TTC7A: variants seen among roughly 807,000 people sequenced by gnomAD.
The protein encoded by TTC7A is tetratricopeptide repeat protein 7A.
In TTC7A, 110 loss-of-function variants were observed where a neutral mutation model predicts 103.7. The ratio of observed to expected loss-of-function variants is 1.06; its 90% CI spans 0.91 to 1.24. The LOEUF (loss-of-function observed/expected upper bound fraction) is 1.24. TTC7A is among the 50% of genes most tolerant of loss of function. TTC7A has a pLI of 0.00. For missense variants in TTC7A, 1,340 were observed against 1,116.3 expected (o/e 1.20, Z -2.86); for synonymous variants, 521 against 467.9 (o/e 1.11, Z -1.47).
intron 18 of TTC7A, among the ~76,000 whole-genome samples, chr2:47,053,543 T>TTGG (rs56072760): frequency 0.14 from 19,065 of 140,004 alleles, 1,439 homozygotes; most frequent in South Asian, 0.26. Context: ...TGTTTGTTTG[T>TTGG]TTGGTTGGTT....
At chr2:46,990,885 CA>C (rs1222867439) in intron 5 of TTC7A, among the ~76,000 whole-genome samples, 51 of 152,294 alleles carry the variant, frequency 3.3e-4, no homozygotes, top group African/African-American at 1.2e-3. Context: ...TGATAAAGCC[CA>C]GATTGCTGGG....
At chr2:47,050,139 TC>T in intron 17 of TTC7A, 93 bp downstream of exon 17, 2 of 1,112,884 alleles carry the variant, frequency 1.8e-6, no homozygotes, top group Non-Finnish European at 2.7e-6. Context: ...CCGGGCCCTC[TC>T]CCAGCCGGGC....
rs546680801 is a variant in TTC7A, at chr2:47,046,445, A to G, written c.1919+14A>G. ...CTCCCAGCTGGGGTGAGTGGCCGTCATTGTCTCTTGGGTTGCCAGAGGGTG... is the reference window on the plus strand; with the variant it reads ...CTCCCAGCTGGGGTGAGTGGCCGTCGTTGTCTCTTGGGTTGCCAGAGGGTG... On this transcript the variant is annotated intron_variant, in intron 16 of 19. Transcript: ENST00000319190. 4.2e-5 allele frequency: 67 copies of G among 1,608,444 alleles called. No homozygotes were observed. The highest frequency in any genetic ancestry group is 1.7e-4 in the Middle Eastern group (1 of 6,056).
chr2:47,039,327 G>A (rs1487360202), intron 15 of TTC7A, among the ~76,000 whole-genome samples: 1 of 152,210 alleles, frequency 6.6e-6, no homozygotes, highest in Non-Finnish European at 1.5e-5. Flanking sequence ...TGCACCCGAC[G>A]TGCTTGCTGC....
intron 12 of TTC7A, 23 bp from the exon 13 acceptor site, chr2:47,023,385 A>C: frequency 6.2e-7 from 1 of 1,613,652 alleles, no homozygotes; most frequent in Non-Finnish European, 8.5e-7. Context: ...CTGATGGCTC[A>C]GTTTCTGTCC....
In TTC7A at chr2:47,075,974, A is replaced by C. The variant is rs1490355001; in HGVS notation, c.*2051A>C. On this transcript the variant is annotated 3_prime_UTR_variant, in exon 20 of 20. Coordinates refer to ENST00000319190, the MANE Select transcript of TTC7A (RefSeq NM_020458.4). ...GGGCCACCTTCAGCTGCAGGGAAGA[A>C]GCCTAGGAGAGGAGGCATGGGAGGG... The C allele has an allele frequency of 2.6e-5, 4 of 152,496 alleles. No individual in the cohort carries two copies. Among genetic ancestry groups the C allele is most frequent in the African/African-American group, 9.7e-5 (4 of 41,438 alleles). 9.4% of individuals were successfully genotyped at this position (152,496 alleles called of 1,614,324 possible). A position where few individuals can be genotyped will look rare whatever the true frequency, so the allele number is the denominator to read the frequency against.
chr2:46,928,484 A>G (rs1011352583), intron 2 of TTC7A, among the ~76,000 whole-genome samples: 4 of 146,678 alleles, frequency 2.7e-5, no homozygotes, highest in African/African-American at 1.0e-4. Context: ...AAAAAAAAAA[A>G]ACTTGGGCCA....
At chr2:47,006,325 AT>A (rs1677376826) in intron 9 of TTC7A, among the ~76,000 whole-genome samples, 3 of 152,202 alleles carry the variant, frequency 2.0e-5, no homozygotes, top group Admixed American at 6.5e-5. Flanking sequence ...GTTCGCTGCT[AT>A]TTTTATTACA....
chr2:47,046,244 G>T, intron 15 of TTC7A, 71 bp from the exon 16 acceptor site: 6 of 1,240,740 alleles, frequency 4.8e-6, no homozygotes, highest in African/African-American at 1.5e-5. Flanking sequence ...AGCCGCCCTG[G>T]TGGGGCAGGA....
chr2:47,058,702 T>G (rs1283904725), intron 18 of TTC7A, among the ~76,000 whole-genome samples: 2 of 152,232 alleles, frequency 1.3e-5, no homozygotes, highest in Non-Finnish European at 2.9e-5. Flanking sequence ...CAGCCAAGCC[T>G]GGGGGCTGCT....
chr2:46,931,857 T>C (rs1030636846), intron 2 of TTC7A, among the ~76,000 whole-genome samples: 12 of 152,148 alleles, frequency 7.9e-5, no homozygotes, highest in African/African-American at 2.7e-4. Flanking sequence ...TGAATACATG[T>C]TGTTTAAAGC....
chr2:47,068,507 T>C (rs535455218), intron 19 of TTC7A: 1 of 152,178 alleles, frequency 6.6e-6, no homozygotes, highest in African/African-American at 2.4e-5. Context: ...GATGATTTTA[T>C]TGTGAGCTTT....
chr2:47,029,226 C>T lies in TTC7A; in HGVS notation c.1644C>T (p.Ile548=), dbSNP rs969064006. The change falls in exon 15 of 20, where the codon ATC becomes ATT. Residue 548 remains isoleucine, a splice_region_variant and synonymous_variant. Transcript: ENST00000319190. ...AACCTGGCGGGTTCCTTCAACAGAT[C>T]TCCAGTGCCATGGAGCAGCTGCAGG... The part of the protein sequence containing the change: ...VSLQLALVRQ[I]SSAMEQLQEA... The T allele has an allele frequency of 2.5e-6, 4 of 1,613,720 alleles. No homozygotes were observed. Among genetic ancestry groups the T allele is most frequent in the Non-Finnish European group, 3.4e-6 (4 of 1,179,982 alleles).
intron 19 of TTC7A, among the ~76,000 whole-genome samples, chr2:47,069,714 A>C (rs893622780): frequency 6.6e-6 from 1 of 152,164 alleles, no homozygotes; most frequent in Admixed American, 6.5e-5. Flanking sequence ...ACCTGAGAGA[A>C]TCCGGAATGC....
Position 46,975,095 on chromosome 2 carries a change from T to C in TTC7A, c.640T>C (p.Leu214=), listed in dbSNP as rs57585816. The C allele has an allele frequency of 1.7e-3, 2,763 of 1,613,662 alleles. 32 individuals are homozygous for C. In the African/African-American group the frequency reaches 0.031, roughly 18 times the overall value. ...GATCGCTCAGGTGTTCCTGCAGGAA[T>C]TGGAGAAGGTGAGCTGGAAATAACA... is the stretch of plus-strand genomic sequence containing the variant. The part of the protein sequence containing the change: ...SWIAQVFLQE[L]EKTTNNSTSR... Residue 214 remains leucine (L), a synonymous_variant, in exon 4 of 20, where the codon TTG becomes CTG. Coordinates refer to ENST00000319190, the MANE Select transcript of TTC7A (RefSeq NM_020458.4).
At chr2:46,981,464 G>A (rs1170221954) in intron 5 of TTC7A, among the ~76,000 whole-genome samples, 1 of 152,104 alleles carries the variant, frequency 6.6e-6, no homozygotes, top group African/African-American at 2.4e-5. Flanking sequence ...GGGGGCAGGC[G>A]AAATGGGAGG....
At chr2:46,961,262 C>A (rs1481483299) in intron 3 of TTC7A, among the ~76,000 whole-genome samples, 1 of 152,186 alleles carries the variant, frequency 6.6e-6, no homozygotes, top group Non-Finnish European at 1.5e-5. Context: ...AAAAAGGGAA[C>A]ATCATCCATT....
chr2:47,026,662 G>C (rs1218611985), intron 14 of TTC7A, among the ~76,000 whole-genome samples: 1 of 146,798 alleles, frequency 6.8e-6, no homozygotes, highest in Non-Finnish European at 1.5e-5. Context: ...CTGGAAGGAA[G>C]GTTCTGTCCT....
intron 11 of TTC7A, among the ~76,000 whole-genome samples, chr2:47,020,600 C>T (rs1558586612): frequency 6.6e-6 from 1 of 152,254 alleles, no homozygotes; most frequent in South Asian, 2.1e-4. Flanking sequence ...TAGGGCTGCT[C>T]TGGTCAGCTG....
Sources: allele counts gnomAD v4.1 joint callset (sites outside exome capture counted in the v4.1 genomes callset), GRCh38; gene constraint gnomAD v4.1.1; transcripts MANE v1.5; gene names NCBI Gene and HGNC (gene_info 2026-07-23, HGNC 2026-07-21).